DDX17: variants seen among roughly 807,000 people sequenced by gnomAD.
The protein encoded by DDX17 is probable ATP-dependent RNA helicase DDX17.
Under a neutral mutation model 80.8 loss-of-function variants are expected in DDX17, and 10 were observed. The observed-to-expected ratio is 0.12, with a 90% CI of 0.08 to 0.21. The LOEUF is 0.21. DDX17 is among the 10% of genes least tolerant of loss of function. The pLI is 1.00. For missense variants in DDX17, 586 were observed against 957.4 expected (o/e 0.61, Z 5.12); for synonymous variants, 339 against 336.2 (o/e 1.01, Z -0.09).
At chr22:38,487,140 T>C (rs946981185) in intron 12 of DDX17, among the ~76,000 whole-genome samples, 24 of 151,082 alleles carry the variant, frequency 1.6e-4, no homozygotes, top group African/African-American at 5.6e-4. Context: ...TGCACTCCAG[T>C]CTGGGCAACA....
intron 1 of DDX17, among the ~76,000 whole-genome samples, chr22:38,503,555 T>C (rs2089851578): frequency 6.6e-6 from 1 of 152,222 alleles, no homozygotes; most frequent in Admixed American, 6.5e-5. Context: ...AATGCTGACA[T>C]AATTAATGAC....
intron 11 of DDX17, chr22:38,491,806 G>A (rs1295182528): frequency 2.5e-6 from 1 of 399,100 alleles, no homozygotes; most frequent in Non-Finnish European, 4.4e-6. Context: ...CCTTGCTGCA[G>A]ACCAAAGCCT....
chr22:38,494,553 T>G, intron 8 of DDX17, 77 bp downstream of exon 8: 1 of 1,390,130 alleles, frequency 7.2e-7, no homozygotes, highest in Non-Finnish European at 1.0e-6. Context: ...TATACTGGTT[T>G]CTACAGTACT....
rs767052372 is a variant in DDX17, at chr22:38,493,697, G to A, written c.1387+13C>T. ...GTGGGGAATCAACAGAAAATGCTTA[G>A]TTTTAAACTTACCATTAAGTACCCA... On this transcript the variant is annotated intron_variant, in intron 10 of 12. Transcript: ENST00000403230. 3.1e-6 allele frequency: 5 copies of A among 1,604,916 alleles called. No homozygotes were observed. The South Asian group carries it at 3.3e-5, about 11-fold the overall frequency.
At position 38,506,139 on chromosome 22, in the gene DDX17, C is replaced by G; in HGVS notation, c.99G>C (p.Ser33=). Reference sequence around the variant, plus strand: ...CGGCAGGCGCAGCGCTCTCTCGCTCCGACGCGCTGTCTCCCGTCGCAGACG... The same window carrying G: ...CGGCAGGCGCAGCGCTCTCTCGCTCGGACGCGCTGTCTCCCGTCGCAGACG... The change falls in exon 1 of 13, where the codon TCG becomes TCC. Residue 33 remains serine (S), a synonymous_variant. Coordinates refer to ENST00000403230, the MANE Select transcript of DDX17 (RefSeq NM_006386.5). The G allele has an allele frequency of 6.3e-7, 1 of 1,581,094 alleles. No individual in the cohort carries two copies. The highest frequency in any genetic ancestry group is 8.6e-7 in the Non-Finnish European group (1 of 1,165,020).
At chr22:38,502,298 T>C (rs1488216311) in intron 1 of DDX17, among the ~76,000 whole-genome samples, 1 of 151,140 alleles carries the variant, frequency 6.6e-6, no homozygotes, top group African/African-American at 2.4e-5. Context: ...CTGTAATCCC[T>C]AGCTACTTGG....
intron 12 of DDX17, 54 bp from the exon 13 acceptor site, chr22:38,486,494 A>T: frequency 6.7e-7 from 1 of 1,483,168 alleles, no homozygotes. Context: ...CCTAAACATA[A>T]CAATGTAAAA....
In DDX17 at chr22:38,485,458, T is replaced by TC. The variant is rs1386239910; in HGVS notation, c.*476_*477insG. On this transcript the variant is annotated 3_prime_UTR_variant, in exon 13 of 13. Coordinates refer to ENST00000403230, the MANE Select transcript of DDX17 (RefSeq NM_006386.5). ...GAAAATGTGCAGGGCAATCCCTCTT[T>TC]GTTTTCTAACCCAGTAATGAGAAAT... 1 of 152,086 alleles carries TC rather than the reference T, an allele frequency of 6.6e-6. No homozygotes were observed. The highest frequency in any genetic ancestry group is 1.9e-4 in the East Asian group (1 of 5,196). 9.4% of individuals were successfully genotyped at this position (152,086 alleles called of 1,614,324 possible).
intron 2 of DDX17, among the ~76,000 whole-genome samples, 183 bp from the exon 3 acceptor site, chr22:38,499,682 T>G (rs1458281033): frequency 6.6e-6 from 1 of 152,206 alleles, no homozygotes; most frequent in Non-Finnish European, 1.5e-5. Flanking sequence ...TGTAAGTTAA[T>G]TAATGATGTA....
chr22:38,487,087 G>A (rs2089667151), intron 12 of DDX17, among the ~76,000 whole-genome samples: 2 of 152,160 alleles, frequency 1.3e-5, no homozygotes. Flanking sequence ...AGAATCACTT[G>A]AACCCAGGAG....
At chr22:38,505,798 G>A (rs972035016) in intron 1 of DDX17, 153 bp downstream of exon 1, 2 of 995,702 alleles carry the variant, frequency 2.0e-6, no homozygotes, top group African/African-American at 1.7e-5. Flanking sequence ...CGGGGCCGAG[G>A]TCCGCGCACG....
chr22:38,498,636 A>C (rs1207376193), intron 3 of DDX17, 63 bp from the exon 4 acceptor site: 2 of 1,575,396 alleles, frequency 1.3e-6, no homozygotes, highest in Non-Finnish European at 1.7e-6. Flanking sequence ...AGAGTTTTTA[A>C]AAAAACTTTT....
Position 38,494,626 on chromosome 22 carries a change from A to T in DDX17, c.1214+4T>A, listed in dbSNP as rs750273624. 1.2e-6 allele frequency: 2 copies of T among 1,613,382 alleles called. No homozygotes were observed. The highest frequency in any genetic ancestry group is 1.7e-6 in the Non-Finnish European group (2 of 1,179,564). ...ATCAAATCAGAGTAAAATATCTTTCATACTTGTGGTCTTTTTCACTTTCCA... is the reference window on the plus strand; with the variant it reads ...ATCAAATCAGAGTAAAATATCTTTCTTACTTGTGGTCTTTTTCACTTTCCA... On this transcript the variant is annotated splice_donor_region_variant and intron_variant, in intron 8 of 12. Transcript: ENST00000403230.
intron 3 of DDX17, 70 bp from the exon 4 acceptor site, chr22:38,498,643 TTTTAAGCTCACTGAAGATAAGA>T: frequency 6.5e-7 from 1 of 1,544,002 alleles, no homozygotes; most frequent in Non-Finnish European, 8.9e-7. Context: ...TTAAAAAAAC[TTTTAAGCTCACTGAAGATAAGA>T]TTTACCCAGC....
chr22:38,488,646 A>G (rs1339563423), intron 11 of DDX17: 6 of 987,442 alleles, frequency 6.1e-6, no homozygotes, highest in Non-Finnish European at 7.2e-6. Flanking sequence ...ATTTAAAGGA[A>G]ACTTAAATGT....
At chr22:38,492,011 CA>C (rs928827667) in intron 11 of DDX17, 44 bp downstream of exon 11, 6 of 1,366,408 alleles carry the variant, frequency 4.4e-6, no homozygotes, top group Non-Finnish European at 6.0e-6. Context: ...ATCTTTAAAC[CA>C]AAAGATACAT....
At chr22:38,494,278 G>A in intron 8 of DDX17, 147 bp from the exon 9 acceptor site, 1 of 623,246 alleles carries the variant, frequency 1.6e-6, no homozygotes, top group Non-Finnish European at 2.8e-6. Context: ...ACTGAGTCAG[G>A]TTCTGCTATG....
Position 38,494,548 on chromosome 22 carries a change from T to TGG in DDX17, c.1214+80_1214+81dup. 2.3e-6 allele frequency: 3 copies of TGG among 1,316,574 alleles called. 1 individual carries two copies. The Middle Eastern group carries it at 6.2e-4, about 271-fold the overall frequency. The allele number at this position is 1,316,574 out of a possible 1,614,324, so 81.6% of individuals were successfully genotyped here. ...AATGTTCTCAGGCCTCAAAATATAC[T>TGG]GGTTTCTACAGTACTAATTTTGGAG... On this transcript the variant is annotated intron_variant, in intron 8 of 12. Transcript: ENST00000403230.
intron 10 of DDX17, among the ~76,000 whole-genome samples, chr22:38,493,172 T>C (rs2145694839): frequency 2.0e-5 from 3 of 152,226 alleles, no homozygotes; most frequent in South Asian, 2.1e-4. Context: ...CAAATAAATA[T>C]TGTCTGAACA....
Sources: gnomAD v4.1 joint callset for allele counts (sites outside exome capture counted in the v4.1 genomes callset) on GRCh38, gnomAD v4.1.1 for gene constraint, MANE v1.5 for transcripts, NCBI Gene and HGNC (gene_info 2026-07-23, HGNC 2026-07-21) for gene names.